Variants in KIF5C observed in about 807,000 individuals in gnomAD.
KIF5C encodes the protein kinesin family member 5C, also known as kinesin heavy chain isoform 5C.
KIF5C carries 18 observed loss-of-function variants against 125.2 expected under a neutral mutation model. The observed-to-expected ratio is 0.14, with a 90% CI of 0.10 to 0.21. KIF5C has a LOEUF of 0.21. KIF5C is among the 10% of genes least tolerant of loss of function. The probability of loss-of-function intolerance (pLI) is 1.00; values close to 1 mark genes in which losing one functional copy is unlikely to be tolerated. For synonymous variants in KIF5C, 405 were observed against 434.0 expected, an observed-to-expected ratio of 0.93 and a Z score of 0.83; for missense variants, 780 against 1,183.8, an observed-to-expected ratio of 0.66 and a Z score of 5.01.
Position 148,876,838 on chromosome 2 carries a change from C to T in KIF5C, c.126+1095C>T, listed in dbSNP as rs544466600. Among the ~76,000 whole-genome samples, 11 of 152,326 alleles carry T rather than the reference C, an allele frequency of 7.2e-5. No homozygotes were observed. In the South Asian group the frequency reaches 2.3e-3, roughly 32 times the overall value. Reference sequence around the variant, plus strand: ...ACCGAGTTAATGGGAGCCTCCCGGTCCCCGCTGACACGTTCCTGGCAGCCT... The same window carrying T: ...ACCGAGTTAATGGGAGCCTCCCGGTTCCCGCTGACACGTTCCTGGCAGCCT... On this transcript the variant is annotated intron_variant, in intron 1 of 25. Coordinates refer to ENST00000435030, the MANE Select transcript of KIF5C (RefSeq NM_004522.3). This position sits in a 1 kb window ranked among gnomAD's most constrained non-coding sequence, Gnocchi z 4.7.
chr2:148,929,072 CATTAATGT>C (rs1200849252), intron 2 of KIF5C, among the ~76,000 whole-genome samples: 2 of 152,212 alleles, frequency 1.3e-5, no homozygotes, highest in African/African-American at 4.8e-5. Flanking sequence ...CCTCCTTCTT[CATTAATGT>C]ATTCTGTGAA....
chr2:148,958,510 GT>G (rs1682851459), intron 10 of KIF5C, among the ~76,000 whole-genome samples: 1 of 152,144 alleles, frequency 6.6e-6, no homozygotes, highest in East Asian at 1.9e-4. Context: ...TCTTTGCCCA[GT>G]TTTTTCTTAT....
intron 2 of KIF5C, among the ~76,000 whole-genome samples, chr2:148,927,508 G>GTGTGTT (rs1553463371): frequency 6.6e-6 from 1 of 152,010 alleles, no homozygotes; most frequent in African/African-American, 2.4e-5. Flanking sequence ...GTGTGTGTGT[G>GTGTGTT]TGTATAGGGG....
chr2:148,930,324 T>C (rs1443610335), intron 3 of KIF5C, among the ~76,000 whole-genome samples: 1 of 145,092 alleles, frequency 6.9e-6, no homozygotes, highest in Non-Finnish European at 1.5e-5. Flanking sequence ...TGCCTCCTCT[T>C]TTCCTTTTTT....
At position 149,007,989 on chromosome 2, in the gene KIF5C, A is replaced by G; in HGVS notation, c.2472A>G (p.Gly824=). The change falls in exon 23 of 26, where the codon GGA becomes GGG. Residue 824 remains glycine, a synonymous_variant. Coordinates refer to ENST00000435030, the MANE Select transcript of KIF5C (RefSeq NM_004522.3). ...GTGTGGAGTTGGACAACGATGATGG[A>G]GGGGGCAGTGCTGCCCAGAAGCAGA... ...KKSVELDNDD[G]GGSAAQKQKI... 6.2e-7 allele frequency: 1 copy of G among 1,608,796 alleles called. No individual in the cohort carries two copies. Among genetic ancestry groups the G allele is most frequent in the Non-Finnish European group, 8.5e-7 (1 of 1,176,406 alleles).
At chr2:148,889,710 GACACCACTT>G (rs1681651392) in intron 1 of KIF5C, among the ~76,000 whole-genome samples, 1 of 152,160 alleles carries the variant, frequency 6.6e-6, no homozygotes. Flanking sequence ...GAGGTGTGGT[GACACCACTT>G]ACAAGGCATT....
At position 149,019,546 on chromosome 2, in the gene KIF5C, T is replaced by C. The variant is rs1442598492; in HGVS notation, c.*8-3532T>C. On this transcript the variant is annotated intron_variant, in intron 25 of 25. Transcript: ENST00000435030. ...TGATTCCATCTACAGCACAGTAGGC[T>C]CCTCCACTTTAATACTCCTCAGCTT... Among the ~76,000 whole-genome samples, 3 of 152,210 alleles carry C rather than the reference T, an allele frequency of 2.0e-5. No homozygotes were observed. The South Asian group carries it at 6.2e-4, about 32-fold the overall frequency.
At chr2:148,970,852 G>A (rs1680879831) in intron 11 of KIF5C, among the ~76,000 whole-genome samples, 1 of 152,130 alleles carries the variant, frequency 6.6e-6, no homozygotes, top group Admixed American at 6.6e-5. Context: ...TGCCTCTTTG[G>A]CCATTTGAAA....
At position 148,929,409 on chromosome 2, in the gene KIF5C, C is replaced by T. The variant is rs149238476; in HGVS notation, c.291+55C>T. ...CTCTGAGATGACTGAATGGAACTGA[C>T]GTTTCCAGCAAAACTTGAGGTGCAT... On this transcript the variant is annotated intron_variant, in intron 3 of 25. Transcript: ENST00000435030. 418 of 1,183,220 alleles carry T rather than the reference C, an allele frequency of 3.5e-4. 3 individuals are homozygous for T. In the East Asian group the frequency reaches 6.8e-3, roughly 19 times the overall value. The allele number at this position is 1,183,220 out of a possible 1,614,324, so 73.3% of individuals were successfully genotyped here. A position where few individuals can be genotyped will look rare whatever the true frequency, so the allele number is the denominator to read the frequency against.
chr2:148,916,309 T>C (rs1272280129), intron 1 of KIF5C, among the ~76,000 whole-genome samples: 2 of 152,230 alleles, frequency 1.3e-5, no homozygotes, highest in African/African-American at 4.8e-5. Flanking sequence ...TTGCCTTTTG[T>C]GAATAGACTT....
At chr2:149,007,070 C>T (rs924667176) in intron 22 of KIF5C, among the ~76,000 whole-genome samples, 2 of 152,144 alleles carry the variant, frequency 1.3e-5, no homozygotes, top group Admixed American at 1.3e-4. Flanking sequence ...TTTAGATATG[C>T]AAATTCTCAT....
At chr2:148,959,692 G>T (rs1339813715) in intron 10 of KIF5C, among the ~76,000 whole-genome samples, 2 of 152,130 alleles carry the variant, frequency 1.3e-5, no homozygotes, top group African/African-American at 4.8e-5. Flanking sequence ...TCTCTGTCCT[G>T]CTTTGTGACT....
chr2:149,019,074 G>C (rs73013138), intron 25 of KIF5C, among the ~76,000 whole-genome samples: 11,858 of 152,172 alleles, frequency 0.078, 1,316 homozygotes, highest in African/African-American at 0.25. Context: ...TTTGATGCCT[G>C]GTTATTTAAT....
At chr2:148,891,796 C>A (rs796430632) in intron 1 of KIF5C, among the ~76,000 whole-genome samples, 38 of 152,258 alleles carry the variant, frequency 2.5e-4, no homozygotes, top group African/African-American at 9.1e-4. Flanking sequence ...CTCCCAGGTT[C>A]AAGCGATTTT....
Position 148,875,607 on chromosome 2 carries a change from C to A in KIF5C, c.-11C>A. On this transcript the variant is annotated 5_prime_UTR_variant, in exon 1 of 26. Coordinates refer to ENST00000435030, the MANE Select transcript of KIF5C (RefSeq NM_004522.3). The stretch of plus-strand genomic sequence containing the variant: ...ACCCATCCCCGTGCCCCCTCCCTAC[C>A]GCCGGCCGAGATGGCGGATCCAGCC... 1 of 1,535,358 alleles carries A rather than the reference C, an allele frequency of 6.5e-7. No individual in the cohort carries two copies. Among genetic ancestry groups the A allele is most frequent in the Admixed American group, 2.0e-5 (1 of 50,640 alleles).
In KIF5C at chr2:148,942,907, T is replaced by A. The variant is rs1253325886; in HGVS notation, c.589+147T>A. 5 of 1,412,544 alleles carry A rather than the reference T, an allele frequency of 3.5e-6. No homozygotes were observed. In the East Asian group the frequency reaches 7.5e-5, roughly 21 times the overall value. 87.5% of individuals were successfully genotyped at this position (1,412,544 alleles called of 1,614,324 possible). A position where few individuals can be genotyped will look rare whatever the true frequency, so the allele number is the denominator to read the frequency against. ...GTGCTCGGACACAGACGCCAGGGTA[T>A]GTGTGCTATGAGTATGTCTAGGCAG... is the stretch of plus-strand genomic sequence containing the variant. On this transcript the variant is annotated intron_variant, in intron 7 of 25. Coordinates refer to ENST00000435030, the MANE Select transcript of KIF5C (RefSeq NM_004522.3).
intron 3 of KIF5C, among the ~76,000 whole-genome samples, chr2:148,929,855 G>T (rs1351940084): frequency 1.3e-5 from 2 of 151,984 alleles, no homozygotes; most frequent in Non-Finnish European, 2.9e-5. Context: ...AAAATTGGAT[G>T]ATTTCACACA....
intron 12 of KIF5C, among the ~76,000 whole-genome samples, chr2:148,973,847 G>A (rs960230637): frequency 5.3e-5 from 8 of 152,080 alleles, no homozygotes; most frequent in African/African-American, 1.9e-4. Context: ...TTTCTTCTCT[G>A]GGCCTATCCT....
chr2:148,906,399 A>G (rs1186571883), intron 1 of KIF5C, among the ~76,000 whole-genome samples: 1 of 152,110 alleles, frequency 6.6e-6, no homozygotes, highest in Admixed American at 6.5e-5. Flanking sequence ...GATGTGCTTT[A>G]CTGGAGGAAA....
Sources: allele counts gnomAD v4.1 joint callset (sites outside exome capture counted in the v4.1 genomes callset), GRCh38; gene constraint gnomAD v4.1.1; non-coding constraint Gnocchi (gnomAD v3.1); transcripts MANE v1.5; gene names NCBI Gene and HGNC (gene_info 2026-07-23, HGNC 2026-07-21).